The following VGLL4 variants were observed in gnomAD, a reference collection of about 807,000 sequenced individuals.
The protein encoded by VGLL4 is vestigial like family member 4.
VGLL4 carries 7 observed loss-of-function variants against 21.0 expected under a neutral mutation model. The ratio of observed to expected loss-of-function variants is 0.33; its 90% CI spans 0.19 to 0.63. The LOEUF (loss-of-function observed/expected upper bound fraction) is 0.63, where lower values mean the gene tolerates loss of function less well. Among genes scored for constraint, VGLL4 ranks in the 20% least tolerant of loss-of-function variants. The pLI is 0.78. For synonymous variants in VGLL4, 222 were observed against 173.2 expected, an observed-to-expected ratio of 1.28 and a Z score of -2.21; for missense variants, 394 against 425.7, an observed-to-expected ratio of 0.93 and a Z score of 0.66.
chr3:11,683,791 C>A (rs558854229), intron 2 of VGLL4, among the ~76,000 whole-genome samples: 65 of 151,720 alleles, frequency 4.3e-4, no homozygotes, highest in Admixed American at 1.4e-3. Flanking sequence ...AAAAAAAAAA[C>A]CAAAAAACTC....
In VGLL4 at chr3:11,556,265, T is replaced by C. The variant is rs1010565479; in HGVS notation, c.*2291A>G. 6.6e-6 allele frequency: 1 copy of C among 152,618 alleles called. No individual in the cohort carries two copies. 9.5% of individuals were successfully genotyped at this position (152,618 alleles called of 1,614,324 possible). ...CTGGGAAGAACTTCACGGAGCCCCT[T>C]CTTAGAGCAGGGAGGGGGCTTTCTC... On this transcript the variant is annotated 3_prime_UTR_variant, in exon 5 of 5. Coordinates refer to ENST00000430365, the MANE Select transcript of VGLL4 (RefSeq NM_001128219.3).
chr3:11,563,704 A>G (rs957029854), intron 3 of VGLL4, among the ~76,000 whole-genome samples: 2 of 152,160 alleles, frequency 1.3e-5, no homozygotes, highest in East Asian at 3.9e-4. Flanking sequence ...GAGAACAAAA[A>G]CTGCATCTTG....
chr3:11,671,281 T>C, intron 2 of VGLL4: 1 of 1,597,706 alleles, frequency 6.3e-7, no homozygotes, highest in Non-Finnish European at 8.5e-7. Context: ...GACCTGGATG[T>C]CTCCAACTTT....
At chr3:11,667,910 G>A (rs1342829041) in intron 2 of VGLL4, among the ~76,000 whole-genome samples, 1 of 131,638 alleles carries the variant, frequency 7.6e-6, no homozygotes, top group African/African-American at 2.9e-5. Context: ...CTAGAGTGAA[G>A]TGGCGTGATC....
chr3:11,566,441 T>C (rs1000577605), intron 2 of VGLL4, among the ~76,000 whole-genome samples: 2 of 152,224 alleles, frequency 1.3e-5, no homozygotes, highest in Non-Finnish European at 2.9e-5. Context: ...CTTGTATCCA[T>C]TCCAGAGCAA....
At position 11,677,579 on chromosome 3, in the gene VGLL4, T is replaced by C. The variant is rs535542150; in HGVS notation, c.64+25392A>G. Among the ~76,000 whole-genome samples the C allele has an allele frequency of 3.9e-5, 6 of 152,206 alleles. No individual in the cohort carries two copies. In the East Asian group the frequency reaches 5.8e-4, roughly 15 times the overall value. ...CATGAGCCACCGCACCCAGCCCAGA[T>C]TGCAAATTTTTAGAAGTGCTATAGC... On this transcript the variant is annotated intron_variant, in intron 2 of 5. Transcript: ENST00000273038.
upstream of VGLL4, among the ~76,000 whole-genome samples, chr3:11,647,357 C>T (rs901511042): frequency 9.2e-5 from 14 of 152,144 alleles, no homozygotes; most frequent in Non-Finnish European, 1.9e-4. Flanking sequence ...TGTCAGAAAG[C>T]CCCTCTTGTC....
chr3:11,661,249 G>C (rs7650899), intron 2 of VGLL4, among the ~76,000 whole-genome samples: 102,031 of 151,816 alleles, frequency 0.67, 34,287 homozygotes, highest in African/African-American at 0.7. Flanking sequence ...GGCTGGTAAC[G>C]CAGAAAGAAC....
At chr3:11,646,347 A>C (rs2075792562), upstream of VGLL4, among the ~76,000 whole-genome samples, 1 of 152,210 alleles carries the variant, frequency 6.6e-6, no homozygotes, top group Non-Finnish European at 1.5e-5. Flanking sequence ...TTTTTACATA[A>C]ATTCTCAATC....
chr3:11,666,261 A>G (rs1214137819), intron 2 of VGLL4, among the ~76,000 whole-genome samples: 2 of 152,024 alleles, frequency 1.3e-5, no homozygotes, highest in African/African-American at 2.4e-5. Context: ...AAAAAAAAAA[A>G]AAAAGAAAGT....
intron 2 of VGLL4, among the ~76,000 whole-genome samples, chr3:11,576,607 T>A (rs1025397777): frequency 6.6e-6 from 1 of 152,204 alleles, no homozygotes; most frequent in African/African-American, 2.4e-5. Context: ...CGGGGACTAC[T>A]TGAGACAGCT....
chr3:11,624,664 C>T (rs1429640089), intron 1 of VGLL4, among the ~76,000 whole-genome samples: 3 of 152,148 alleles, frequency 2.0e-5, no homozygotes, highest in African/African-American at 7.2e-5. Flanking sequence ...CATATACTTC[C>T]TATTTGTCTT....
intron 1 of VGLL4, among the ~76,000 whole-genome samples, chr3:11,717,664 T>A (rs1316435941): frequency 2.0e-5 from 3 of 152,120 alleles, no homozygotes; most frequent in Non-Finnish European, 1.5e-5. Context: ...AGTGAAAGTT[T>A]TTACATAATT....
intron 2 of VGLL4, among the ~76,000 whole-genome samples, chr3:11,694,631 A>AG (rs1553745072): frequency 3.3e-5 from 5 of 152,098 alleles, no homozygotes; most frequent in African/African-American, 9.7e-5. Context: ...AAAAAAAAAA[A>AG]GAAAAAAGGA....
upstream of VGLL4, among the ~76,000 whole-genome samples, chr3:11,645,787 C>T (rs1356486479): frequency 1.3e-5 from 2 of 151,702 alleles, no homozygotes; most frequent in African/African-American, 4.8e-5. Context: ...GTCTGGCCAA[C>T]ATGGTGAAAC....
At chr3:11,648,760 T>C (rs12490023), upstream of VGLL4, among the ~76,000 whole-genome samples, 8,133 of 152,236 alleles carry the variant, frequency 0.053, 408 homozygotes, top group Admixed American at 0.12. Flanking sequence ...GAGAAACAAA[T>C]GGCCAACACA....
At chr3:11,717,761 T>C (rs1490959504) in intron 1 of VGLL4, among the ~76,000 whole-genome samples, 4 of 152,200 alleles carry the variant, frequency 2.6e-5, no homozygotes, top group Non-Finnish European at 5.9e-5. Context: ...TGTGTTTATG[T>C]AGCTCTTTCA....
At chr3:11,634,056 C>T (rs76406656) in intron 1 of VGLL4, among the ~76,000 whole-genome samples, 5,640 of 152,224 alleles carry the variant, frequency 0.037, 324 homozygotes, top group African/African-American at 0.12. Flanking sequence ...CAGGTGACCA[C>T]GCTCACTCAA....
chr3:11,654,630 G>GT (rs2075929623), intron 2 of VGLL4, among the ~76,000 whole-genome samples: 1 of 152,224 alleles, frequency 6.6e-6, no homozygotes, highest in African/African-American at 2.4e-5. Flanking sequence ...ACCTGCACCT[G>GT]TAAGTATCTT....
Sources: gnomAD v4.1 joint callset for allele counts (sites outside exome capture counted in the v4.1 genomes callset) on GRCh38, gnomAD v4.1.1 for gene constraint, MANE v1.5 for transcripts, NCBI Gene and HGNC (gene_info 2026-07-23, HGNC 2026-07-21) for gene names.